PDZRN4: variants seen among roughly 807,000 people sequenced by gnomAD.
PDZRN4 encodes the protein PDZ domain containing ring finger 4.
Under a neutral mutation model 99.0 loss-of-function variants are expected in PDZRN4, and 70 were observed. The ratio of observed to expected loss-of-function variants is 0.71; its 90% CI spans 0.58 to 0.86. The LOEUF (loss-of-function observed/expected upper bound fraction) is 0.86. PDZRN4 is among the 40% of genes least tolerant of loss of function. PDZRN4 has a pLI of 0.00. For missense variants in PDZRN4, 1,474 were observed against 1,331.2 expected, an observed-to-expected ratio of 1.11 and a Z score of -1.67; for synonymous variants, 551 against 501.6, an observed-to-expected ratio of 1.10 and a Z score of -1.32.
intron 3 of PDZRN4, among the ~76,000 whole-genome samples, chr12:41,206,033 T>C (rs907250958): frequency 6.6e-6 from 1 of 152,018 alleles, no homozygotes; most frequent in African/African-American, 2.4e-5. Context: ...TTCATTCTTA[T>C]AGCTGTGTAG....
intron 3 of PDZRN4, among the ~76,000 whole-genome samples, chr12:41,310,392 ATCATATCTCACTCTTAACT>A (rs1565548165): frequency 6.6e-6 from 1 of 152,132 alleles, no homozygotes; most frequent in Admixed American, 6.5e-5. Context: ...TTTTCTAAAG[ATCATATCTCACTCTTAACT>A]TCATCCTCCT....
At chr12:41,474,430 A>G (rs1953021144) in intron 3 of PDZRN4, among the ~76,000 whole-genome samples, 1 of 152,190 alleles carries the variant, frequency 6.6e-6, no homozygotes, top group Non-Finnish European at 1.5e-5. Context: ...CAACAACCCA[A>G]TGAGTGTGCT....
intron 3 of PDZRN4, among the ~76,000 whole-genome samples, chr12:41,276,998 C>A (rs1951353811): frequency 6.6e-6 from 1 of 152,150 alleles, no homozygotes; most frequent in East Asian, 1.9e-4. Flanking sequence ...TATATGGAAA[C>A]TCTCTGTACT....
intron 3 of PDZRN4, among the ~76,000 whole-genome samples, chr12:41,310,823 A>G (rs1482709926): frequency 2.6e-5 from 4 of 152,138 alleles, no homozygotes; most frequent in Non-Finnish European, 5.9e-5. Flanking sequence ...CTTAGAATCC[A>G]TTTACATTTA....
chr12:41,428,479 T>C (rs1248867756), intron 3 of PDZRN4, among the ~76,000 whole-genome samples: 1 of 152,162 alleles, frequency 6.6e-6, no homozygotes, highest in African/African-American at 2.4e-5. Flanking sequence ...TGAACATGTA[T>C]TGCAGTACCA....
intron 3 of PDZRN4, among the ~76,000 whole-genome samples, chr12:41,420,538 A>G (rs77683631): frequency 0.012 from 1,885 of 152,102 alleles, 34 homozygotes; most frequent in African/African-American, 0.043. Context: ...AACATGACTG[A>G]TACGTTCCAA....
At chr12:41,387,127 A>G (rs1952175987) in intron 3 of PDZRN4, among the ~76,000 whole-genome samples, 1 of 152,216 alleles carries the variant, frequency 6.6e-6, no homozygotes, top group Admixed American at 6.5e-5. Context: ...AATAGGATCT[A>G]ATTAAACTAA....
In PDZRN4 at chr12:41,552,739, C is replaced by T. The variant is rs367600920; in HGVS notation, c.1287C>T (p.Gly429=). The T allele has an allele frequency of 6.8e-6, 11 of 1,612,918 alleles. No homozygotes were observed. Among genetic ancestry groups the T allele is most frequent in the African/African-American group, 4.0e-5 (3 of 74,852 alleles). The change falls in exon 6 of 10, where the codon GGC becomes GGT. Residue 429 remains glycine (G), a synonymous_variant. Transcript: ENST00000402685. ...CYRTDDEEDT[G]IYVSEVDPNS... The stretch of plus-strand genomic sequence containing the variant: ...GAACAGATGATGAAGAAGACACCGG[C>T]ATTTATGTCAGCGAGGTAAGAAACG...
intron 3 of PDZRN4, among the ~76,000 whole-genome samples, chr12:41,248,035 G>A (rs1951144871): frequency 6.6e-6 from 1 of 152,144 alleles, no homozygotes; most frequent in African/African-American, 2.4e-5. Flanking sequence ...CACAGAGCAG[G>A]CTGCAATGAA....
chr12:41,207,022 T>A (rs1011842809), intron 3 of PDZRN4, among the ~76,000 whole-genome samples: 2 of 152,006 alleles, frequency 1.3e-5, no homozygotes, highest in African/African-American at 4.8e-5. Flanking sequence ...ATACACTGTG[T>A]TACAAATCCT....
At chr12:41,197,919 G>GTTTTTTTTTTTTTTTTTTTTTTTTTTT (rs764851464) in intron 3 of PDZRN4, among the ~76,000 whole-genome samples, 1 of 113,464 alleles carries the variant, frequency 8.8e-6, no homozygotes, top group African/African-American at 3.4e-5. Flanking sequence ...GTTTTTTCTG[G>GTTTTTTTTTTTTTTTTTTTTTTTTTTT]GTTTTTTTTT....
intron 3 of PDZRN4, among the ~76,000 whole-genome samples, chr12:41,341,225 G>A (rs1398185349): frequency 6.6e-6 from 1 of 151,356 alleles, no homozygotes; most frequent in East Asian, 1.9e-4. Context: ...CACAATGAAG[G>A]CCATGTATGA....
At chr12:41,438,106 T>C in intron 3 of PDZRN4, 8 of 1,459,252 alleles carry the variant, frequency 5.5e-6, no homozygotes, top group Non-Finnish European at 7.6e-6. Flanking sequence ...TATTTTTTCT[T>C]TCAGTACATT....
chr12:41,375,493 T>C (rs935489120), intron 3 of PDZRN4, among the ~76,000 whole-genome samples: 4 of 152,174 alleles, frequency 2.6e-5, no homozygotes, highest in African/African-American at 9.7e-5. Flanking sequence ...TACTAACTCA[T>C]TGAATATAGC....
intron 5 of PDZRN4, among the ~76,000 whole-genome samples, chr12:41,511,304 C>T (rs1485957176): frequency 6.6e-6 from 1 of 151,884 alleles, no homozygotes; most frequent in Non-Finnish European, 1.5e-5. Flanking sequence ...TATTACAATA[C>T]AGACAGATTT....
intron 3 of PDZRN4, among the ~76,000 whole-genome samples, chr12:41,289,299 C>T (rs1015240560): frequency 1.3e-5 from 2 of 152,120 alleles, no homozygotes; most frequent in African/African-American, 4.8e-5. Context: ...AACTTAAGCT[C>T]ATTTTAAACA....
At chr12:41,373,479 A>G (rs1213959058) in intron 3 of PDZRN4, among the ~76,000 whole-genome samples, 2 of 152,124 alleles carry the variant, frequency 1.3e-5, no homozygotes, top group Non-Finnish European at 2.9e-5. Flanking sequence ...CCTCACTGAG[A>G]AAAAGAATTC....
chr12:41,460,305 A>G (rs148132830), intron 3 of PDZRN4, among the ~76,000 whole-genome samples: 2 of 152,310 alleles, frequency 1.3e-5, no homozygotes, highest in Non-Finnish European at 2.9e-5. Context: ...CTAATTTTTC[A>G]GTGAATGAAA....
At chr12:41,479,350 GTAT>G (rs1937638152) in intron 3 of PDZRN4, among the ~76,000 whole-genome samples, 1 of 152,070 alleles carries the variant, frequency 6.6e-6, no homozygotes, top group African/African-American at 2.4e-5. Flanking sequence ...AGTTATGATA[GTAT>G]TATGATACTA....
Sources: gnomAD v4.1 joint callset for allele counts (sites outside exome capture counted in the v4.1 genomes callset) on GRCh38, gnomAD v4.1.1 for gene constraint, MANE v1.5 for transcripts, NCBI Gene and HGNC (gene_info 2026-07-23, HGNC 2026-07-21) for gene names.